EIPR1: variants seen among roughly 807,000 people sequenced by gnomAD.
EIPR1 encodes EARP complex and GARP complex interacting protein 1.
A neutral mutation model predicts 48.1 loss-of-function variants in EIPR1; 25 were observed. That is an observed-to-expected ratio of 0.52 (90% CI 0.38 to 0.73). The LOEUF (loss-of-function observed/expected upper bound fraction) is 0.73, where lower values mean the gene tolerates loss of function less well. Among genes scored for constraint, EIPR1 ranks in the 30% least tolerant of loss-of-function variants. The probability of loss-of-function intolerance (pLI) is 0.00; values close to 1 mark genes in which losing one functional copy is unlikely to be tolerated. For synonymous variants in EIPR1, 204 were observed against 201.9 expected (o/e 1.01, Z -0.09); for missense variants, 415 against 506.2 (o/e 0.82, Z 1.73).
intron 1 of EIPR1, among the ~76,000 whole-genome samples, chr2:3,369,680 G>A (rs545170792): frequency 1.1e-4 from 17 of 152,360 alleles, no homozygotes; most frequent in African/African-American, 4.1e-4. Context: ...GCGAGGCTGG[G>A]GGAGGGGCGC....
chr2:3,260,148 T>C (rs1342934514), intron 3 of EIPR1, among the ~76,000 whole-genome samples: 2 of 152,202 alleles, frequency 1.3e-5, no homozygotes, highest in East Asian at 3.8e-4. Flanking sequence ...AATTTAAAAC[T>C]TCTTTAAAAT....
In EIPR1 at chr2:3,360,910, T is replaced by C. The variant is rs12622078; in HGVS notation, c.43-6277A>G. Among the ~76,000 whole-genome samples, 1,308 of 139,212 alleles carry C rather than the reference T, an allele frequency of 9.4e-3. 127 individuals are homozygous for C. In the East Asian group the frequency reaches 0.21, roughly 23 times the overall value. 91.3% of individuals were successfully genotyped at this position (139,212 alleles called of 152,430 possible). On this transcript the variant is annotated intron_variant, in intron 1 of 8. Coordinates refer to ENST00000382125, the MANE Select transcript of EIPR1 (RefSeq NM_003310.5). ...GATGACCCTCAGGAAGAGGAAAGTA[T>C]GGGGAAAGGGGAGGGGGAAGGAAGG...
intron 4 of EIPR1, among the ~76,000 whole-genome samples, chr2:3,239,198 G>C (rs1329895654): frequency 6.6e-6 from 1 of 152,202 alleles, no homozygotes; most frequent in Non-Finnish European, 1.5e-5. Flanking sequence ...GGACCTCTGG[G>C]GACAGGCCCC....
intron 3 of EIPR1, among the ~76,000 whole-genome samples, chr2:3,270,309 TC>T (rs1261723265): frequency 5.3e-5 from 8 of 152,130 alleles, no homozygotes; most frequent in Non-Finnish European, 7.3e-5. Flanking sequence ...ATGCCAACAC[TC>T]CCGCAGAGGG....
At chr2:3,346,413 T>C (rs1670405086) in intron 2 of EIPR1, among the ~76,000 whole-genome samples, 1 of 152,382 alleles carries the variant, frequency 6.6e-6, no homozygotes, top group East Asian at 1.9e-4. Flanking sequence ...TCACAAGGTT[T>C]ACTTGTGAAA....
At chr2:3,195,514 C>T (rs1415647599) in intron 6 of EIPR1, among the ~76,000 whole-genome samples, 1 of 152,216 alleles carries the variant, frequency 6.6e-6, no homozygotes, top group Non-Finnish European at 1.5e-5. Flanking sequence ...GTTTTTATAT[C>T]CTGCACCTTT....
chr2:3,272,878 C>T (rs370493533), intron 3 of EIPR1, among the ~76,000 whole-genome samples: 67 of 152,290 alleles, frequency 4.4e-4, no homozygotes, highest in African/African-American at 1.3e-3. Context: ...CAGTGCAATA[C>T]GATGAGGTGC....
intron 1 of EIPR1, among the ~76,000 whole-genome samples, chr2:3,362,051 C>T (rs867936463): frequency 3.3e-5 from 5 of 152,370 alleles, no homozygotes; most frequent in Middle Eastern, 3.4e-3. Context: ...ATCTGGTGCC[C>T]AGGCACATCC....
intron 4 of EIPR1, among the ~76,000 whole-genome samples, chr2:3,254,352 T>C (rs1242657418): frequency 2.0e-5 from 3 of 152,214 alleles, no homozygotes; most frequent in African/African-American, 7.2e-5. Context: ...TAAAACTTCC[T>C]GTTCATACAA....
chr2:3,285,571 C>T (rs1049031547), intron 3 of EIPR1, among the ~76,000 whole-genome samples: 2 of 152,260 alleles, frequency 1.3e-5, no homozygotes, highest in Admixed American at 6.5e-5. Flanking sequence ...CTGCCGACCA[C>T]ATGGAGGCAA....
intron 2 of EIPR1, among the ~76,000 whole-genome samples, chr2:3,345,827 A>C (rs1670382851): frequency 6.6e-6 from 1 of 152,050 alleles, no homozygotes; most frequent in South Asian, 2.1e-4. Context: ...CACCACGCTT[A>C]TCTTTCCCTA....
intron 4 of EIPR1, among the ~76,000 whole-genome samples, chr2:3,252,303 A>G (rs573994849): frequency 1.3e-5 from 2 of 152,108 alleles, no homozygotes; most frequent in Non-Finnish European, 2.9e-5. Context: ...ATAAAACGGC[A>G]AAACGGGCCA....
rs115762350 is a variant in EIPR1, at chr2:3,363,786, C to A, written c.43-9153G>T. 6.8e-3 allele frequency among the ~76,000 whole-genome samples: 990 copies of A among 145,438 alleles called. 9 individuals carry two copies. Among genetic ancestry groups the A allele is most frequent in the African/African-American group, 0.023 (930 of 39,840 alleles). On this transcript the variant is annotated intron_variant, in intron 1 of 8. Transcript: ENST00000382125. ...ATTAATAACCACAACAGATAAGAAG[C>A]TCAGACAACTCAACAGCAAAAAAAA...
intron 5 of EIPR1, among the ~76,000 whole-genome samples, chr2:3,202,634 G>A (rs562965046): frequency 1.1e-4 from 17 of 152,304 alleles, no homozygotes; most frequent in African/African-American, 3.8e-4. Context: ...GGCCATTCCA[G>A]AAGGGGAAGG....
intron 3 of EIPR1, among the ~76,000 whole-genome samples, chr2:3,336,110 GA>G (rs1670034648): frequency 6.6e-6 from 1 of 152,190 alleles, no homozygotes; most frequent in Non-Finnish European, 1.5e-5. Flanking sequence ...AGGCAGAAGA[GA>G]GTGAAGGGTG....
At chr2:3,202,218 T>G (rs529388250) in intron 5 of EIPR1, among the ~76,000 whole-genome samples, 54 of 152,386 alleles carry the variant, frequency 3.5e-4, no homozygotes, top group African/African-American at 1.3e-3. Context: ...ATTACAGGCG[T>G]GAGCCACCGC....
intron 4 of EIPR1, among the ~76,000 whole-genome samples, chr2:3,219,452 G>T (rs1437264699): frequency 1.3e-5 from 2 of 150,572 alleles, no homozygotes; most frequent in Non-Finnish European, 2.9e-5. Flanking sequence ...ATATGCTCTA[G>T]AGCTTTCACA....
chr2:3,245,321 T>C, intron 4 of EIPR1, among the ~76,000 whole-genome samples: 1 of 152,220 alleles, frequency 6.6e-6, no homozygotes, highest in Non-Finnish European at 1.5e-5. Flanking sequence ...CAAGTGATTC[T>C]CCTGCCTCAG....
intron 1 of EIPR1, among the ~76,000 whole-genome samples, chr2:3,368,137 G>A (rs1197463113): frequency 2.0e-5 from 3 of 152,166 alleles, no homozygotes; most frequent in Non-Finnish European, 4.4e-5. Flanking sequence ...GCGCTGGCCT[G>A]GTCCATCTGT....
Sources: allele counts gnomAD v4.1 joint callset (sites outside exome capture counted in the v4.1 genomes callset), GRCh38; gene constraint gnomAD v4.1.1; transcripts MANE v1.5; gene names NCBI Gene and HGNC (gene_info 2026-07-23, HGNC 2026-07-21).